PCDH15: variants seen among roughly 807,000 people sequenced by gnomAD.
PCDH15 encodes the protein protocadherin-15.
In PCDH15, 129 loss-of-function variants were observed where a neutral mutation model predicts 178.5. The observed-to-expected ratio is 0.72, with a 90% CI of 0.63 to 0.84. The LOEUF (loss-of-function observed/expected upper bound fraction) is 0.84, where lower values mean the gene tolerates loss of function less well. PCDH15 is among the 40% of genes least tolerant of loss of function. The probability of loss-of-function intolerance (pLI) is 0.00; values close to 1 mark genes in which losing one functional copy is unlikely to be tolerated. For synonymous variants in PCDH15, 800 were observed against 732.0 expected (o/e 1.09, Z -1.50); for missense variants, 2,230 against 2,099.9 (o/e 1.06, Z -1.21).
At chr10:55,364,361 A>T (rs954897676) in intron 2 of PCDH15, among the ~76,000 whole-genome samples, 4 of 152,180 alleles carry the variant, frequency 2.6e-5, no homozygotes, top group African/African-American at 9.6e-5. Context: ...TGGATATAGA[A>T]TTCTGGCTTC....
At chr10:53,980,341 T>G (rs1009879307) in intron 21 of PCDH15, among the ~76,000 whole-genome samples, 11 of 152,162 alleles carry the variant, frequency 7.2e-5, no homozygotes, top group African/African-American at 2.4e-4. Flanking sequence ...GTCTTCCTAA[T>G]TTTTGGTAAG....
At chr10:54,814,050 C>T (rs2133732638) in intron 3 of PCDH15, among the ~76,000 whole-genome samples, 1 of 152,310 alleles carries the variant, frequency 6.6e-6, no homozygotes, top group South Asian at 2.1e-4. Flanking sequence ...CTACCTCCCA[C>T]ACATATATTA....
chr10:54,557,362 C>T (rs761918170), intron 2 of PCDH15, among the ~76,000 whole-genome samples: 3 of 152,106 alleles, frequency 2.0e-5, no homozygotes, highest in Non-Finnish European at 2.9e-5. Flanking sequence ...TAAATTTAGA[C>T]ACTATACTTT....
chr10:54,493,399 T>C (rs2137185757), intron 3 of PCDH15, among the ~76,000 whole-genome samples: 1 of 152,114 alleles, frequency 6.6e-6, no homozygotes, highest in African/African-American at 2.4e-5. Flanking sequence ...TACATCAGAG[T>C]ACCTTATTTT....
At chr10:54,611,301 C>T (rs980782208) in intron 2 of PCDH15, among the ~76,000 whole-genome samples, 3 of 151,374 alleles carry the variant, frequency 2.0e-5, no homozygotes, top group African/African-American at 7.3e-5. Context: ...AAAAAACCTC[C>T]CTGATAATTT....
At chr10:53,818,548 T>G (rs1463837974) in intron 33 of PCDH15, among the ~76,000 whole-genome samples, 2 of 152,096 alleles carry the variant, frequency 1.3e-5, no homozygotes, top group Non-Finnish European at 2.9e-5. Context: ...TCAATTATAA[T>G]ATTAGAAATT....
intron 8 of PCDH15, 45 bp downstream of exon 8, chr10:54,317,226 T>C (rs766569112): frequency 3.2e-6 from 5 of 1,587,230 alleles, no homozygotes; most frequent in Non-Finnish European, 4.3e-6. Flanking sequence ...TCCCATTGGG[T>C]TTTAAAACAT....
intron 8 of PCDH15, among the ~76,000 whole-genome samples, chr10:54,268,270 A>T (rs565059387): frequency 5.9e-5 from 9 of 152,110 alleles, no homozygotes; most frequent in African/African-American, 1.7e-4. Flanking sequence ...ATATAAAAAA[A>T]TTAACTCAAG....
At chr10:54,227,432 G>A (rs2053573207) in intron 9 of PCDH15, among the ~76,000 whole-genome samples, 1 of 152,150 alleles carries the variant, frequency 6.6e-6, no homozygotes, top group African/African-American at 2.4e-5. Context: ...AGGACACAGG[G>A]CAACAAGTCC....
chr10:54,991,626 A>G (rs1187201062), intron 2 of PCDH15, among the ~76,000 whole-genome samples: 3 of 152,104 alleles, frequency 2.0e-5, no homozygotes, highest in African/African-American at 7.2e-5. Context: ...TGTCTTACAT[A>G]CCTCAGGCAC....
At chr10:55,409,863 G>T (rs549461109) in intron 2 of PCDH15, among the ~76,000 whole-genome samples, 14 of 152,212 alleles carry the variant, frequency 9.2e-5, no homozygotes, top group Admixed American at 3.9e-4. Context: ...TTAAATACGC[G>T]TACCTAATAA....
At chr10:55,079,780 G>T (rs775441715) in intron 2 of PCDH15, among the ~76,000 whole-genome samples, 4 of 152,154 alleles carry the variant, frequency 2.6e-5, no homozygotes, top group African/African-American at 4.8e-5. Context: ...TGGTGCGCGT[G>T]AGTGATCCTG....
At chr10:54,481,436 C>G (rs2078709803) in intron 3 of PCDH15, among the ~76,000 whole-genome samples, 1 of 151,538 alleles carries the variant, frequency 6.6e-6, no homozygotes, top group South Asian at 2.1e-4. Flanking sequence ...TGTACATACT[C>G]TTGTCAAATT....
chr10:54,434,903 G>GTA (rs1453394646), intron 3 of PCDH15, among the ~76,000 whole-genome samples: 7 of 152,152 alleles, frequency 4.6e-5, no homozygotes, highest in South Asian at 2.1e-4. Flanking sequence ...GGAGTACCAG[G>GTA]TATATCACTC....
intron 8 of PCDH15, among the ~76,000 whole-genome samples, chr10:54,267,850 GC>G (rs2057791800): frequency 6.6e-6 from 1 of 151,934 alleles, no homozygotes; most frequent in South Asian, 2.1e-4. Flanking sequence ...TGTCTTTACT[GC>G]CCGAAGCAAT....
intron 3 of PCDH15, among the ~76,000 whole-genome samples, chr10:54,502,077 T>G (rs918486058): frequency 1.3e-4 from 20 of 152,000 alleles, no homozygotes; most frequent in Non-Finnish European, 1.0e-4. Flanking sequence ...CTTTATCTTC[T>G]TTGATCAGAC....
At chr10:54,453,634 C>A (rs1371577352) in intron 3 of PCDH15, among the ~76,000 whole-genome samples, 7 of 150,860 alleles carry the variant, frequency 4.6e-5, no homozygotes, top group Non-Finnish European at 1.0e-4. Context: ...TGCACATGTA[C>A]CCTAAAACTT....
intron 3 of PCDH15, among the ~76,000 whole-genome samples, chr10:54,480,066 A>G (rs952054970): frequency 1.3e-5 from 2 of 152,106 alleles, no homozygotes; most frequent in African/African-American, 2.4e-5. Context: ...TAGATGAACA[A>G]GTCTACACAC....
intron 1 of PCDH15, among the ~76,000 whole-genome samples, chr10:54,734,541 A>C (rs4935557): frequency 0.12 from 18,526 of 151,952 alleles, 1,264 homozygotes; most frequent in African/African-American, 0.17. Flanking sequence ...ACCTTGCATC[A>C]CCACCCCTAG....
Sources: allele counts gnomAD v4.1 joint callset (sites outside exome capture counted in the v4.1 genomes callset), GRCh38; gene constraint gnomAD v4.1.1; transcripts MANE v1.5; gene names NCBI Gene and HGNC (gene_info 2026-07-23, HGNC 2026-07-21).